TBC1D22A: variants seen among roughly 807,000 people sequenced by gnomAD.
The protein encoded by TBC1D22A is TBC1 domain family member 22A, also known as putative GTPase activator.
TBC1D22A carries 38 observed loss-of-function variants against 60.2 expected under a neutral mutation model. That is an observed-to-expected ratio of 0.63 (90% CI 0.49 to 0.83). The LOEUF (loss-of-function observed/expected upper bound fraction) is 0.83. Among genes scored for constraint, TBC1D22A ranks in the 40% least tolerant of loss-of-function variants. The pLI, the probability that TBC1D22A is intolerant of heterozygous loss-of-function variation, is 0.00. For missense variants in TBC1D22A, 628 were observed against 701.0 expected (o/e 0.90, Z 1.18); for synonymous variants, 302 against 281.7 (o/e 1.07, Z -0.72).
At chr22:46,926,855 G>A (rs2071077125) in intron 8 of TBC1D22A, among the ~76,000 whole-genome samples, 1 of 152,116 alleles carries the variant, frequency 6.6e-6, no homozygotes, top group African/African-American at 2.4e-5. Context: ...CTTTGAGACT[G>A]AATTAATTAT....
intron 1 of TBC1D22A, among the ~76,000 whole-genome samples, chr22:46,789,706 C>T (rs775965569): frequency 6.6e-6 from 1 of 152,054 alleles, no homozygotes; most frequent in African/African-American, 2.4e-5. Flanking sequence ...AATATTTTAA[C>T]GTTAAAGATG....
At chr22:47,098,620 A>G (rs1470041952) in intron 11 of TBC1D22A, among the ~76,000 whole-genome samples, 1 of 152,018 alleles carries the variant, frequency 6.6e-6, no homozygotes, top group East Asian at 1.9e-4. Context: ...CCCCGACTCC[A>G]TGCACCAGGC....
At chr22:47,087,858 G>A (rs1423393874) in intron 11 of TBC1D22A, among the ~76,000 whole-genome samples, 3 of 152,006 alleles carry the variant, frequency 2.0e-5, no homozygotes, top group Non-Finnish European at 2.9e-5. Flanking sequence ...GGCGGATCAC[G>A]AGGTCAGAAG....
At chr22:46,808,660 T>C (rs2085252309) in intron 4 of TBC1D22A, among the ~76,000 whole-genome samples, 1 of 152,144 alleles carries the variant, frequency 6.6e-6, no homozygotes, top group Non-Finnish European at 1.5e-5. Flanking sequence ...AGTGGCGCGA[T>C]GTTGGCTTAC....
At chr22:47,026,583 AAAAT>A (rs777428632) in intron 10 of TBC1D22A, among the ~76,000 whole-genome samples, 2 of 152,268 alleles carry the variant, frequency 1.3e-5, no homozygotes, top group Non-Finnish European at 1.5e-5. Context: ...TCTACATACA[AAAAT>A]AAACTTTATT....
At chr22:47,077,625 G>A (rs939969791) in intron 11 of TBC1D22A, among the ~76,000 whole-genome samples, 3 of 152,186 alleles carry the variant, frequency 2.0e-5, no homozygotes, top group Non-Finnish European at 4.4e-5. Context: ...CTGTTGTAAG[G>A]AGCCCAGCAA....
At chr22:46,997,516 CTGTT>C (rs1429455227) in intron 9 of TBC1D22A, 114 bp from the exon 10 acceptor site, 5 of 744,808 alleles carry the variant, frequency 6.7e-6, no homozygotes, top group African/African-American at 1.7e-5. Flanking sequence ...GATAAAATCT[CTGTT>C]TGTGAATTCG....
intron 2 of TBC1D22A, 37 bp downstream of exon 2, chr22:46,792,613 C>T: frequency 6.2e-7 from 1 of 1,614,186 alleles, no homozygotes; most frequent in Non-Finnish European, 8.5e-7. Context: ...CGTCTCGGCT[C>T]TGATATGGGA....
intron 11 of TBC1D22A, among the ~76,000 whole-genome samples, chr22:47,095,081 C>T (rs764660914): frequency 3.9e-5 from 6 of 152,340 alleles, no homozygotes; most frequent in Non-Finnish European, 7.3e-5. Flanking sequence ...CAGCCCATGC[C>T]GTAAACGTGG....
intron 8 of TBC1D22A, among the ~76,000 whole-genome samples, chr22:46,942,913 T>C (rs764837835): frequency 6.6e-6 from 1 of 152,120 alleles, no homozygotes. Context: ...AATTTCAGTA[T>C]GAAGATGAGG....
chr22:46,921,597 T>C (rs766832035), intron 8 of TBC1D22A, among the ~76,000 whole-genome samples: 1 of 152,218 alleles, frequency 6.6e-6, no homozygotes, highest in Non-Finnish European at 1.5e-5. Context: ...TTCCTTTGGG[T>C]GTATACCCAA....
chr22:46,853,956 T>G (rs981628105), intron 4 of TBC1D22A, among the ~76,000 whole-genome samples: 1 of 152,214 alleles, frequency 6.6e-6, no homozygotes, highest in African/African-American at 2.4e-5. Flanking sequence ...AATGGACACT[T>G]CGTGAAAAAT....
Position 46,944,601 on chromosome 22 carries a change from T to C in TBC1D22A, c.1016-29689T>C, listed in dbSNP as rs552144830. On this transcript the variant is annotated intron_variant, in intron 8 of 12. Coordinates refer to ENST00000337137, the MANE Select transcript of TBC1D22A (RefSeq NM_014346.5). The stretch of plus-strand genomic sequence containing the variant: ...TTTTAGTAGAGATGGGGTTTCACCG[T>C]GTTAGCCAGGATGGTCTTGATCTCA... Among the ~76,000 whole-genome samples the C allele has an allele frequency of 8.7e-4, 132 of 152,350 alleles. 2 individuals are homozygous for C. The highest frequency in any genetic ancestry group is 1.4e-3 in the Non-Finnish European group (95 of 68,022).
chr22:46,784,320 C>T (rs2084068776), intron 1 of TBC1D22A, among the ~76,000 whole-genome samples: 1 of 152,160 alleles, frequency 6.6e-6, no homozygotes, highest in African/African-American at 2.4e-5. Context: ...GCCAGCCTCC[C>T]AAAGTGCTGG....
At chr22:46,901,533 G>A (rs2068994172) in intron 7 of TBC1D22A, among the ~76,000 whole-genome samples, 1 of 152,246 alleles carries the variant, frequency 6.6e-6, no homozygotes, top group Admixed American at 6.5e-5. Context: ...CACACCAAAT[G>A]TGGCATTTCT....
At chr22:47,045,287 G>C (rs2062995306) in intron 11 of TBC1D22A, among the ~76,000 whole-genome samples, 1 of 152,198 alleles carries the variant, frequency 6.6e-6, no homozygotes, top group South Asian at 2.1e-4. Flanking sequence ...ACGTGATGCA[G>C]AGCCACGGTC....
intron 4 of TBC1D22A, among the ~76,000 whole-genome samples, chr22:46,825,496 C>G (rs902130443): frequency 6.6e-6 from 1 of 152,176 alleles, no homozygotes; most frequent in Non-Finnish European, 1.5e-5. Context: ...TCTTTTGAGA[C>G]AGAGTCTCAC....
At chr22:46,898,926 G>A (rs1297800550) in intron 7 of TBC1D22A, among the ~76,000 whole-genome samples, 3 of 152,158 alleles carry the variant, frequency 2.0e-5, no homozygotes, top group Non-Finnish European at 4.4e-5. Context: ...CACTCCCTCT[G>A]CAGTGGGTCT....
At chr22:47,172,260 C>T (rs1246434204) in intron 12 of TBC1D22A, among the ~76,000 whole-genome samples, 1 of 152,216 alleles carries the variant, frequency 6.6e-6, no homozygotes, top group African/African-American at 2.4e-5. Flanking sequence ...CACTGTGTGC[C>T]CACCCAGTGC....
Sources: gnomAD v4.1 joint callset for allele counts (sites outside exome capture counted in the v4.1 genomes callset) on GRCh38, gnomAD v4.1.1 for gene constraint, MANE v1.5 for transcripts, NCBI Gene and HGNC (gene_info 2026-07-23, HGNC 2026-07-21) for gene names.